SPOP: variants seen among roughly 807,000 people sequenced by gnomAD.
SPOP encodes speckle-type POZ protein.
Under a neutral mutation model 45.6 loss-of-function variants are expected in SPOP, and 11 were observed. The observed-to-expected ratio is 0.24, with a 90% CI of 0.15 to 0.40. The LOEUF (loss-of-function observed/expected upper bound fraction) is 0.40. Ranked by LOEUF, SPOP falls within the 10% of genes least tolerant of loss-of-function variation. The pLI, the probability that SPOP is intolerant of heterozygous loss-of-function variation, is 1.00. For synonymous variants in SPOP, 166 were observed against 166.3 expected, an observed-to-expected ratio of 1.00 and a Z score of 0.01; for missense variants, 152 against 465.6, an observed-to-expected ratio of 0.33 and a Z score of 6.20.
chr17:49,630,015 A>T (rs2143362314), intron 1 of SPOP, among the ~76,000 whole-genome samples: 1 of 152,316 alleles, frequency 6.6e-6, no homozygotes, highest in East Asian at 1.9e-4. Context: ...CTGGGAACAG[A>T]CCAGAGAATG....
intron 1 of SPOP, among the ~76,000 whole-genome samples, chr17:49,649,606 G>A (rs1375459434): frequency 6.6e-6 from 1 of 151,728 alleles, no homozygotes; most frequent in Non-Finnish European, 1.5e-5. Context: ...GCCGAGGCGG[G>A]CAGATCAAGA....
At chr17:49,617,443 C>G (rs1363517819) in intron 5 of SPOP, among the ~76,000 whole-genome samples, 2 of 152,178 alleles carry the variant, frequency 1.3e-5, no homozygotes, top group African/African-American at 4.8e-5. Context: ...GTTTATCAGA[C>G]ATAAAAGAAC....
At chr17:49,662,611 T>C (rs2073003719) in intron 1 of SPOP, among the ~76,000 whole-genome samples, 1 of 150,786 alleles carries the variant, frequency 6.6e-6, no homozygotes, top group South Asian at 2.1e-4. Flanking sequence ...CGCTTGAACC[T>C]GGGAGGCGGA....
chr17:49,640,914 A>G (rs1454153398), intron 1 of SPOP, among the ~76,000 whole-genome samples: 2 of 152,138 alleles, frequency 1.3e-5, no homozygotes, highest in Non-Finnish European at 2.9e-5. Context: ...CTCCTTCACC[A>G]TTGCTAAGAC....
intron 1 of SPOP, among the ~76,000 whole-genome samples, chr17:49,631,193 T>C (rs1011102216): frequency 1.3e-5 from 2 of 152,230 alleles, no homozygotes; most frequent in Non-Finnish European, 2.9e-5. Flanking sequence ...TGGGGACTAT[T>C]TATAAAACAC....
At position 49,667,365 on chromosome 17, in the gene SPOP, G is replaced by A. The variant is rs145464233; in HGVS notation, c.-67+10568C>T. Among the ~76,000 whole-genome samples, 24 of 151,290 alleles carry A rather than the reference G, an allele frequency of 1.6e-4. No homozygotes were observed. The East Asian group carries it at 1.8e-3, about 11-fold the overall frequency. On this transcript the variant is annotated intron_variant, in intron 1 of 9. Transcript: ENST00000504102. ...AGCACTTTGGTAGGCCAAGGCGGGC[G>A]GATCACTTGAAGTAAGGAGTTCGAG... is the stretch of plus-strand genomic sequence containing the variant.
intron 5 of SPOP, chr17:49,618,555 G>A (rs774505830): frequency 4.4e-6 from 2 of 456,606 alleles, no homozygotes; most frequent in South Asian, 1.5e-5. Context: ...CTCAACTCTT[G>A]ATAAGAATCT....
At chr17:49,657,561 G>A (rs185114048) in intron 1 of SPOP, among the ~76,000 whole-genome samples, 10 of 151,848 alleles carry the variant, frequency 6.6e-5, no homozygotes, top group African/African-American at 1.9e-4. Flanking sequence ...ACCACGCCCA[G>A]CTAATTTTTG....
At chr17:49,660,543 G>T (rs1269183197) in intron 1 of SPOP, among the ~76,000 whole-genome samples, 1 of 152,132 alleles carries the variant, frequency 6.6e-6, no homozygotes, top group East Asian at 1.9e-4. Flanking sequence ...AGGGATTTTT[G>T]TCTGTTTTTG....
chr17:49,656,420 T>C (rs1184885475), intron 1 of SPOP, among the ~76,000 whole-genome samples: 1 of 152,186 alleles, frequency 6.6e-6, no homozygotes, highest in Non-Finnish European at 1.5e-5. Flanking sequence ...CAACTTCAGA[T>C]GTACTAAAAA....
intron 2 of SPOP, 112 bp from the exon 3 acceptor site, chr17:49,622,179 A>C: frequency 7.2e-7 from 1 of 1,390,846 alleles, no homozygotes; most frequent in South Asian, 1.2e-5. Flanking sequence ...CCTGATAGGA[A>C]GATAGCAGTT....
chr17:49,626,417 G>GGCCA (rs1219408788), intron 1 of SPOP, among the ~76,000 whole-genome samples: 10 of 152,136 alleles, frequency 6.6e-5, no homozygotes, highest in Admixed American at 2.6e-4. Flanking sequence ...ACAACAGGCT[G>GGCCA]GGCATGGTGG....
intron 1 of SPOP, among the ~76,000 whole-genome samples, chr17:49,654,490 T>A (rs373573860): frequency 6.6e-6 from 1 of 152,246 alleles, no homozygotes; most frequent in African/African-American, 2.4e-5. Flanking sequence ...TTGGAAATTA[T>A]GTTAGTTTCT....
intron 1 of SPOP, among the ~76,000 whole-genome samples, chr17:49,667,469 A>G (rs2143561036): frequency 6.6e-6 from 1 of 152,092 alleles, no homozygotes; most frequent in East Asian, 1.9e-4. Context: ...TGCGCCTGTC[A>G]TCTCAGCCAC....
At chr17:49,622,252 G>C in intron 2 of SPOP, 185 bp from the exon 3 acceptor site, 1 of 739,416 alleles carries the variant, frequency 1.4e-6, no homozygotes, top group African/African-American at 1.7e-5. Flanking sequence ...CTGACCAATA[G>C]CTTTTATAAC....
At chr17:49,661,374 A>T (rs1009859207) in intron 1 of SPOP, among the ~76,000 whole-genome samples, 2 of 152,084 alleles carry the variant, frequency 1.3e-5, no homozygotes, top group Non-Finnish European at 2.9e-5. Context: ...TACACACCCT[A>T]TACTAACACT....
At chr17:49,602,110 T>C in intron 8 of SPOP, 103 bp from the exon 9 acceptor site, 4 of 1,314,364 alleles carry the variant, frequency 3.0e-6, no homozygotes, top group Non-Finnish European at 4.2e-6. Flanking sequence ...ACTAGATACT[T>C]GAATAGAACT....
Position 49,607,289 on chromosome 17 carries a change from G to A in SPOP, c.798C>T (p.Leu266=), listed in dbSNP as rs765280957. 28 of 1,613,848 alleles carry A rather than the reference G, an allele frequency of 1.7e-5. No individual in the cohort carries two copies. Among genetic ancestry groups the A allele is most frequent in the Non-Finnish European group, 2.1e-5 (25 of 1,179,988 alleles). The change falls in exon 8 of 10, where the codon CTC becomes CTT. Residue 266 remains leucine, a synonymous_variant. Transcript: ENST00000504102. ...CCAGCAAATCATCAGCCATTTTGTC[G>A]AGGTTTGGAGCCTTCCCCGTGTAAA... ...CFIYTGKAPN[L]DKMADDLLAA...
In SPOP at chr17:49,619,254, C is replaced by T. The variant is rs2143269401; in HGVS notation, c.332G>A (p.Gly111Glu). The change falls in exon 4 of 10, where the codon GGA (glycine) becomes GAA (glutamate). Residue 111 changes from glycine to glutamate, a missense_variant. Physicochemically the swap from Gly to Glu is moderately conservative, Grantham distance 98. Around this residue, in one of 3 missense-constraint regions of SPOP, gnomAD observed 28 missense variants for 176.8 expected, o/e 0.16. Transcript: ENST00000504102. This position sits in a 1 kb window ranked among gnomAD's most constrained non-coding sequence, Gnocchi z 4.9. ...TTTACCCATAGCTTTGGTTTCTTCT[C>T]CCTTGGCATTCAGGATGGAGAATTT... ...KFKFSILNAK[G>E]EETKAMESQR... The T allele has an allele frequency of 6.2e-7, 1 of 1,614,188 alleles. No homozygotes were observed. Among genetic ancestry groups the T allele is most frequent in the Non-Finnish European group, 8.5e-7 (1 of 1,180,034 alleles).
Sources: allele counts gnomAD v4.1 joint callset (sites outside exome capture counted in the v4.1 genomes callset), GRCh38; gene constraint gnomAD v4.1.1; regional missense constraint gnomAD v4.1.1; non-coding constraint Gnocchi (gnomAD v3.1); transcripts MANE v1.5; gene names NCBI Gene and HGNC (gene_info 2026-07-23, HGNC 2026-07-21).